SLC5A3: variants seen among roughly 807,000 people sequenced by gnomAD.
The protein encoded by SLC5A3 is sodium/myo-inositol cotransporter.
SLC5A3 carries 10 observed loss-of-function variants against 43.2 expected under a neutral mutation model. The ratio of observed to expected loss-of-function variants is 0.23; its 90% CI spans 0.14 to 0.39. The LOEUF (loss-of-function observed/expected upper bound fraction) is 0.39, where lower values mean the gene tolerates loss of function less well. Ranked by LOEUF, SLC5A3 falls within the 10% of genes least tolerant of loss-of-function variation. SLC5A3 has a pLI of 1.00. For missense variants in SLC5A3, 608 were observed against 893.4 expected (o/e 0.68, Z 4.07); for synonymous variants, 349 against 322.0 (o/e 1.08, Z -0.90).
chr21:34,078,630 G>C (rs1359573424), intron 1 of SLC5A3, among the ~76,000 whole-genome samples: 1 of 152,104 alleles, frequency 6.6e-6, no homozygotes, highest in Non-Finnish European at 1.5e-5. Flanking sequence ...GAGTTCAAAA[G>C]CAATGACGGG....
In SLC5A3 at chr21:34,098,600, G is replaced by T. The variant is rs931244307; in HGVS notation, c.*1245G>T. ...CTCAGTGCATACTTTGCTGTTGTTAGGTTGTCAATATAGTCTTTCTGTAGG... is the reference window on the plus strand; with the variant it reads ...CTCAGTGCATACTTTGCTGTTGTTATGTTGTCAATATAGTCTTTCTGTAGG... On this transcript the variant is annotated 3_prime_UTR_variant, in exon 2 of 2. Transcript: ENST00000381151. 1.9e-4 allele frequency: 192 copies of T among 1,000,134 alleles called. No homozygotes were observed. The highest frequency in any genetic ancestry group is 2.1e-4 in the Non-Finnish European group (176 of 830,002). 62.0% of individuals were successfully genotyped at this position (1,000,134 alleles called of 1,614,324 possible).
In SLC5A3 at chr21:34,102,035, A is replaced by G. The variant is rs150207843; in HGVS notation, c.*4680A>G. 3.9e-4 allele frequency: 394 copies of G among 1,000,134 alleles called. 3 individuals are homozygous for G. In the African/African-American group the frequency reaches 6.4e-3, roughly 16 times the overall value. The allele number at this position is 1,000,134 out of a possible 1,614,324, so 62.0% of individuals were successfully genotyped here. A position where few individuals can be genotyped will look rare whatever the true frequency, so the allele number is the denominator to read the frequency against. The stretch of plus-strand genomic sequence containing the variant: ...GAGGAACCCTTTTGTACTGGAACGT[A>G]TGAGGCTGGATTGTGAAAAGGTAAT... On this transcript the variant is annotated 3_prime_UTR_variant, in exon 2 of 2. Transcript: ENST00000381151.
intron 1 of SLC5A3, among the ~76,000 whole-genome samples, chr21:34,080,036 G>T (rs894209183): frequency 1.3e-5 from 2 of 152,156 alleles, no homozygotes; most frequent in Non-Finnish European, 2.9e-5. Flanking sequence ...TAGTTGAACT[G>T]CTCATGTTGT....
chr21:34,073,764 G>A lies in SLC5A3; in HGVS notation c.-337+19G>A. The A allele has an allele frequency of 6.7e-7, 1 of 1,489,790 alleles. No individual in the cohort carries two copies. Among genetic ancestry groups the A allele is most frequent in the South Asian group, 1.2e-5 (1 of 82,928 alleles). 92.3% of individuals were successfully genotyped at this position (1,489,790 alleles called of 1,614,324 possible). On this transcript the variant is annotated intron_variant, in intron 1 of 1. Transcript: ENST00000381151. ...GCAGCGGGTAAGTGACCTTCCCTCA[G>A]AGCCGGTCTTCCCGCGCGGGCGCCC...
At chr21:34,091,516 A>G (rs1023769774) in intron 1 of SLC5A3, among the ~76,000 whole-genome samples, 1 of 152,174 alleles carries the variant, frequency 6.6e-6, no homozygotes, top group Non-Finnish European at 1.5e-5. Context: ...ACATGGTTAT[A>G]TCACCTGAAG....
Position 34,095,956 on chromosome 21 carries a change from A to G in SLC5A3, c.758A>G (p.Asn253Ser). 1 of 1,614,136 alleles carries G rather than the reference A, an allele frequency of 6.2e-7. No homozygotes were observed. The highest frequency in any genetic ancestry group is 1.1e-5 in the South Asian group (1 of 91,068). ...AAAGAAGCCCTGAAAATGCTGCGGA[A>G]TCCAACAGATGAAGATGTTCCTTGG... ...PKKEALKMLRNPTDEDVPWPG... is the reference protein window; with the variant it reads ...PKKEALKMLRSPTDEDVPWPG... The change falls in exon 2 of 2, where the codon AAT becomes AGT. Residue 253 changes from asparagine (N) to serine (S), a missense_variant. By Grantham distance (46) the Asn-to-Ser change is conservative. Transcript: ENST00000381151.
intron 1 of SLC5A3, among the ~76,000 whole-genome samples, chr21:34,076,926 G>C (rs1989345158): frequency 6.6e-6 from 1 of 152,214 alleles, no homozygotes; most frequent in Non-Finnish European, 1.5e-5. Context: ...AATGTGAAAG[G>C]ACATAGCCGC....
chr21:34,078,228 C>G (rs185879382), intron 1 of SLC5A3, among the ~76,000 whole-genome samples: 144 of 152,158 alleles, frequency 9.5e-4, no homozygotes, highest in African/African-American at 3.1e-3. Context: ...TGCTTGAAAC[C>G]AGGCAACTTA....
chr21:34,094,632 T>C (rs2148658952), intron 1 of SLC5A3, among the ~76,000 whole-genome samples: 1 of 152,326 alleles, frequency 6.6e-6, no homozygotes, highest in South Asian at 2.1e-4. Context: ...AGTTATGAGG[T>C]AGATGAATTT....
Position 34,100,979 on chromosome 21 carries a change from C to T in SLC5A3, c.*3624C>T. ...GATGATTCTCCTGGCTCATTTTCATCAGAGGCATGATGACTGGAAAGGGAT... is the reference window on the plus strand; with the variant it reads ...GATGATTCTCCTGGCTCATTTTCATTAGAGGCATGATGACTGGAAAGGGAT... On this transcript the variant is annotated 3_prime_UTR_variant, in exon 2 of 2. Transcript: ENST00000381151. 3 of 1,000,126 alleles carry T rather than the reference C, an allele frequency of 3.0e-6. No homozygotes were observed. Among genetic ancestry groups the T allele is most frequent in the Non-Finnish European group, 3.6e-6 (3 of 829,906 alleles). The allele number at this position is 1,000,126 out of a possible 1,614,324, so 62.0% of individuals were successfully genotyped here.
chr21:34,096,518 CAT>C lies in SLC5A3; in HGVS notation c.1321_1322del (p.Ile441SerfsTer26). 1 of 1,614,170 alleles carries C rather than the reference CAT, an allele frequency of 6.2e-7. No homozygotes were observed. The highest frequency in any genetic ancestry group is 8.5e-7 in the Non-Finnish European group (1 of 1,180,008). On this transcript the variant is annotated frameshift_variant, in exon 2 of 2. Transcript: ENST00000381151. LOFTEE classifies it high-confidence loss of function. The surrounding 1 kb of genome is among the most constrained non-coding windows in gnomAD (Gnocchi z 5.9). ...EMQGGQMYLY[I>X]QEVADYLTPP... ...TGCAAGGAGGCCAGATGTACCTTTA[CAT>C]TCAGGAGGTAGCAGATTACCTGACA...
At chr21:34,091,447 A>G (rs1419591380) in intron 1 of SLC5A3, among the ~76,000 whole-genome samples, 1 of 152,182 alleles carries the variant, frequency 6.6e-6, no homozygotes, top group Non-Finnish European at 1.5e-5. Flanking sequence ...GATAAATTAT[A>G]TGGTCACCCA....
chr21:34,104,809 C>CTA lies in SLC5A3; in HGVS notation c.*7456_*7457dup, dbSNP rs775371737. ...TGTTATAACCTGTTAATCCTACGTACTATGTGTTCTGTACCTTTACATGTT... is the reference window on the plus strand; with the variant it reads ...TGTTATAACCTGTTAATCCTACGTACTATATGTGTTCTGTACCTTTACATGTT... On this transcript the variant is annotated 3_prime_UTR_variant, in exon 2 of 2. Transcript: ENST00000381151. 5.0e-6 allele frequency: 5 copies of CTA among 1,000,050 alleles called. No individual in the cohort carries two copies. The highest frequency in any genetic ancestry group is 6.0e-6 in the Non-Finnish European group (5 of 829,792). The allele number at this position is 1,000,050 out of a possible 1,614,324, so 61.9% of individuals were successfully genotyped here. A position where few individuals can be genotyped will look rare whatever the true frequency, so the allele number is the denominator to read the frequency against.
chr21:34,098,487 T>C lies in SLC5A3; in HGVS notation c.*1132T>C, dbSNP rs984548178. ...GATTTTTTTTTTCCTCAAAAGACTT[T>C]CCATCTGTACACAGCCTCTACATTT... is the stretch of plus-strand genomic sequence containing the variant. On this transcript the variant is annotated 3_prime_UTR_variant, in exon 2 of 2. Coordinates refer to ENST00000381151, the MANE Select transcript of SLC5A3 (RefSeq NM_006933.7). The C allele has an allele frequency of 3.0e-6, 3 of 1,000,170 alleles. No individual in the cohort carries two copies. Among genetic ancestry groups the C allele is most frequent in the Non-Finnish European group, 3.6e-6 (3 of 830,004 alleles). The allele number at this position is 1,000,170 out of a possible 1,614,324, so 62.0% of individuals were successfully genotyped here.
rs922038798 is a variant in SLC5A3 at position 34,098,217 on chromosome 21, C to T, written c.*862C>T. On this transcript the variant is annotated 3_prime_UTR_variant, in exon 2 of 2. Coordinates refer to ENST00000381151, the MANE Select transcript of SLC5A3 (RefSeq NM_006933.7). ...CAGTGTTTGATTAACTTATGCTAAT[C>T]AGATGATTACTCATATATTCTGCTA... 6 of 998,880 alleles carry T rather than the reference C, an allele frequency of 6.0e-6. No homozygotes were observed. The highest frequency in any genetic ancestry group is 2.4e-6 in the Non-Finnish European group (2 of 828,966). 61.9% of individuals were successfully genotyped at this position (998,880 alleles called of 1,614,324 possible).
Position 34,101,738 on chromosome 21 carries a change from TA to T in SLC5A3, c.*4386del. On this transcript the variant is annotated 3_prime_UTR_variant, in exon 2 of 2. Transcript: ENST00000381151. The stretch of plus-strand genomic sequence containing the variant: ...CTTTTAGATCCAAATAATGACTCAT[TA>T]AATATAATTATGTTTTAAGTATACT... 1 of 991,980 alleles carries T rather than the reference TA, an allele frequency of 1.0e-6. No individual in the cohort carries two copies. Among genetic ancestry groups the T allele is most frequent in the Non-Finnish European group, 1.2e-6 (1 of 822,588 alleles). The allele number at this position is 991,980 out of a possible 1,614,324, so 61.4% of individuals were successfully genotyped here. A position where few individuals can be genotyped will look rare whatever the true frequency, so the allele number is the denominator to read the frequency against.
Position 34,103,326 on chromosome 21 carries a change from A to AC in SLC5A3, c.*5971_*5972insC, listed in dbSNP as rs1486453033. ...ACTAGTGAAGGAAGTAAAAAAAAAA[A>AC]AAAAACATGCATTACATTGACATAC... is the stretch of plus-strand genomic sequence containing the variant. On this transcript the variant is annotated 3_prime_UTR_variant, in exon 2 of 2. Coordinates refer to ENST00000381151, the MANE Select transcript of SLC5A3 (RefSeq NM_006933.7). 3.0e-6 allele frequency: 3 copies of AC among 999,012 alleles called. No homozygotes were observed. Among genetic ancestry groups the AC allele is most frequent in the Admixed American group, 6.2e-5 (1 of 16,226 alleles). The allele number at this position is 999,012 out of a possible 1,614,324, so 61.9% of individuals were successfully genotyped here.
chr21:34,082,057 T>G (rs1264810348), intron 1 of SLC5A3, among the ~76,000 whole-genome samples: 1 of 105,602 alleles, frequency 9.5e-6, no homozygotes, highest in Non-Finnish European at 1.7e-5. Context: ...GAAATCTGGT[T>G]TTTTTTTTTT....
chr21:34,101,767 A>G lies in SLC5A3; in HGVS notation c.*4412A>G. On this transcript the variant is annotated 3_prime_UTR_variant, in exon 2 of 2. Transcript: ENST00000381151. ...TATAATTATGTTTTAAGTATACTGA[A>G]TTTCTGTTAGCTTAAAATGTTAATT... The G allele has an allele frequency of 2.0e-6, 2 of 996,108 alleles. No homozygotes were observed. The highest frequency in any genetic ancestry group is 9.4e-5 in the South Asian group (2 of 21,200). The allele number at this position is 996,108 out of a possible 1,614,324, so 61.7% of individuals were successfully genotyped here. A position where few individuals can be genotyped will look rare whatever the true frequency, so the allele number is the denominator to read the frequency against.
Sources: gnomAD v4.1 joint callset for allele counts (sites outside exome capture counted in the v4.1 genomes callset) on GRCh38, gnomAD v4.1.1 for gene constraint, Gnocchi (gnomAD v3.1) non-coding constraint, MANE v1.5 for transcripts, NCBI Gene and HGNC (gene_info 2026-07-23, HGNC 2026-07-21) for gene names.